LRRC4C: variants seen among roughly 807,000 people sequenced by gnomAD.
LRRC4C encodes the protein leucine-rich repeat-containing protein 4C.
Under a neutral mutation model 33.6 loss-of-function variants are expected in LRRC4C, and 5 were observed. The observed-to-expected ratio is 0.15, with a 90% CI of 0.08 to 0.31. The LOEUF (loss-of-function observed/expected upper bound fraction) is 0.31, where lower values mean the gene tolerates loss of function less well. Ranked by LOEUF, LRRC4C falls within the 10% of genes least tolerant of loss-of-function variation. The pLI, the probability that LRRC4C is intolerant of heterozygous loss-of-function variation, is 1.00. For synonymous variants in LRRC4C, 329 were observed against 302.0 expected (o/e 1.09, Z -0.93); for missense variants, 560 against 796.7 (o/e 0.70, Z 3.58).
intron 2 of LRRC4C, among the ~76,000 whole-genome samples, chr11:40,873,742 C>T (rs1954757218): frequency 1.3e-5 from 2 of 152,070 alleles, no homozygotes; most frequent in South Asian, 4.1e-4. Flanking sequence ...CCTACCTCTG[C>T]CTTAAGTTCA....
intron 1 of LRRC4C, among the ~76,000 whole-genome samples, chr11:41,276,554 T>C (rs1949491536): frequency 6.6e-6 from 1 of 152,222 alleles, no homozygotes; most frequent in Admixed American, 6.6e-5. Context: ...ATCTGTATGA[T>C]AGCTTTTGAA....
chr11:40,720,202 A>C (rs1946943862), intron 2 of LRRC4C, among the ~76,000 whole-genome samples: 1 of 152,156 alleles, frequency 6.6e-6, no homozygotes, highest in African/African-American at 2.4e-5. Flanking sequence ...GAAAGATCAC[A>C]CATATGAATT....
intron 2 of LRRC4C, among the ~76,000 whole-genome samples, chr11:40,850,919 TTTACACTATGA>T (rs533036722): frequency 6.8e-4 from 104 of 152,236 alleles, no homozygotes; most frequent in African/African-American, 2.4e-3. Flanking sequence ...AGTGGCTTTG[TTTACACTATGA>T]CCAGGAAAAC....
At chr11:40,491,263 C>T (rs1441069831) in intron 3 of LRRC4C, among the ~76,000 whole-genome samples, 1 of 152,060 alleles carries the variant, frequency 6.6e-6, no homozygotes, top group Admixed American at 6.6e-5. Flanking sequence ...CCAGCCTGGG[C>T]AATAAAGCAA....
chr11:40,418,538 G>A (rs2137714307), intron 3 of LRRC4C, among the ~76,000 whole-genome samples: 1 of 152,296 alleles, frequency 6.6e-6, no homozygotes, highest in Non-Finnish European at 1.5e-5. Flanking sequence ...CAACCATTGT[G>A]GAGGACACTG....
intron 1 of LRRC4C, among the ~76,000 whole-genome samples, chr11:41,050,260 T>C (rs1858102781): frequency 6.6e-6 from 1 of 152,156 alleles, no homozygotes; most frequent in South Asian, 2.1e-4. Flanking sequence ...ATTGCATGTG[T>C]TAGTATATCC....
chr11:41,281,107 CA>C (rs1949665251), intron 1 of LRRC4C, among the ~76,000 whole-genome samples: 1 of 99,518 alleles, frequency 1.0e-5, no homozygotes, highest in Admixed American at 1.1e-4. Flanking sequence ...CTCTCTCTCA[CA>C]CACACACACA....
chr11:41,257,945 A>G (rs1948855189), intron 1 of LRRC4C, among the ~76,000 whole-genome samples: 1 of 151,822 alleles, frequency 6.6e-6, no homozygotes, highest in South Asian at 2.1e-4. Flanking sequence ...CTATAAATCC[A>G]TTTTTTCATG....
Position 41,357,344 on chromosome 11 carries a change from G to A in LRRC4C, c.-496+102087C>T, listed in dbSNP as rs182279516. ...TATTTTAGGTAGTAGTGGTAAAGAC[G>A]AAAATCTAATTTCATGACAATGTGA... On this transcript the variant is annotated intron_variant, in intron 1 of 6. Coordinates refer to ENST00000528697, the MANE Select transcript of LRRC4C (RefSeq NM_001258419.2). Among the ~76,000 whole-genome samples the A allele has an allele frequency of 1.6e-4, 25 of 152,186 alleles. No individual in the cohort carries two copies. The East Asian group carries it at 2.7e-3, about 16-fold the overall frequency.
chr11:40,199,608 G>T (rs1051581401), intron 5 of LRRC4C, among the ~76,000 whole-genome samples: 23 of 152,142 alleles, frequency 1.5e-4, no homozygotes, highest in African/African-American at 5.6e-4. Flanking sequence ...CCAAGAAAGA[G>T]AACACCTTAC....
At chr11:40,224,222 A>G (rs966898087) in intron 5 of LRRC4C, among the ~76,000 whole-genome samples, 3 of 152,230 alleles carry the variant, frequency 2.0e-5, no homozygotes, top group African/African-American at 7.2e-5. Flanking sequence ...TAGCCTCCAC[A>G]TTCATTAAAA....
At chr11:40,429,568 T>TAA (rs59538764) in intron 3 of LRRC4C, among the ~76,000 whole-genome samples, 3,969 of 147,228 alleles carry the variant, frequency 0.027, 78 homozygotes, top group African/African-American at 0.072. Context: ...GCAATAATAA[T>TAA]AAAAAAAAAA....
chr11:41,409,977 G>C (rs1954399926), intron 1 of LRRC4C, among the ~76,000 whole-genome samples: 1 of 152,170 alleles, frequency 6.6e-6, no homozygotes, highest in Non-Finnish European at 1.5e-5. Flanking sequence ...TACCGTGTAA[G>C]AAAATAGTCT....
intron 1 of LRRC4C, among the ~76,000 whole-genome samples, chr11:41,076,713 C>T (rs956688402): frequency 6.6e-6 from 1 of 152,142 alleles, no homozygotes; most frequent in Admixed American, 6.5e-5. Context: ...CCTCTCAAAT[C>T]TCACGTCCTT....
intron 3 of LRRC4C, among the ~76,000 whole-genome samples, chr11:40,547,539 C>G (rs945671977): frequency 6.6e-6 from 1 of 152,024 alleles, no homozygotes; most frequent in African/African-American, 2.4e-5. Flanking sequence ...TTTATCCTGC[C>G]TTTAATGCTA....
intron 1 of LRRC4C, among the ~76,000 whole-genome samples, chr11:41,429,688 A>C (rs970135762): frequency 6.6e-6 from 1 of 152,166 alleles, no homozygotes. Context: ...TGGCCACTGC[A>C]GTGAATAAGC....
At chr11:41,118,098 A>G (rs963820482) in intron 1 of LRRC4C, among the ~76,000 whole-genome samples, 4 of 152,160 alleles carry the variant, frequency 2.6e-5, no homozygotes, top group African/African-American at 4.8e-5. Context: ...GCATTGCCCC[A>G]GGAAAATGAA....
chr11:41,151,735 A>G (rs950652166), intron 1 of LRRC4C, among the ~76,000 whole-genome samples: 2 of 152,192 alleles, frequency 1.3e-5, no homozygotes, highest in African/African-American at 4.8e-5. Context: ...TACATAAGGC[A>G]CTCACTAAAA....
chr11:40,600,638 A>G (rs931672549), intron 3 of LRRC4C, among the ~76,000 whole-genome samples: 1 of 152,208 alleles, frequency 6.6e-6, no homozygotes, highest in Non-Finnish European at 1.5e-5. Flanking sequence ...AAATGTTTCT[A>G]CTGCCAGTCT....
Sources: gnomAD v4.1 joint callset for allele counts (sites outside exome capture counted in the v4.1 genomes callset) on GRCh38, gnomAD v4.1.1 for gene constraint, MANE v1.5 for transcripts, NCBI Gene and HGNC (gene_info 2026-07-23, HGNC 2026-07-21) for gene names.